The following MCTP1 variants were observed in gnomAD, a reference collection of about 807,000 sequenced individuals.
MCTP1 encodes the protein multiple C2 and transmembrane domain containing 1, also known as multiple C2 and transmembrane domain-containing protein 1.
A neutral mutation model predicts 120.6 loss-of-function variants in MCTP1; 69 were observed. The observed-to-expected ratio is 0.57, with a 90% CI of 0.47 to 0.70. The LOEUF (loss-of-function observed/expected upper bound fraction) is 0.70, where lower values mean the gene tolerates loss of function less well. Among genes scored for constraint, MCTP1 ranks in the 30% least tolerant of loss-of-function variants. The pLI, the probability that MCTP1 is intolerant of heterozygous loss-of-function variation, is 0.00. For synonymous variants in MCTP1, 529 were observed against 493.1 expected, an observed-to-expected ratio of 1.07 and a Z score of -0.96; for missense variants, 1,203 against 1,248.8, an observed-to-expected ratio of 0.96 and a Z score of 0.55.
At chr5:94,938,237 CCA>C (rs985633142) in intron 5 of MCTP1, among the ~76,000 whole-genome samples, 1 of 152,046 alleles carries the variant, frequency 6.6e-6, no homozygotes, top group African/African-American at 2.4e-5. Flanking sequence ...AATGGCTCCC[CCA>C]CAGTGTTTTG....
intron 1 of MCTP1, among the ~76,000 whole-genome samples, chr5:95,105,976 T>C (rs894576170): frequency 6.6e-6 from 1 of 152,168 alleles, no homozygotes; most frequent in East Asian, 1.9e-4. Context: ...AAACATCAAG[T>C]CTACCAGGAC....
chr5:94,736,873 G>A (rs1298778274), intron 19 of MCTP1, among the ~76,000 whole-genome samples: 1 of 152,216 alleles, frequency 6.6e-6, no homozygotes, highest in Non-Finnish European at 1.5e-5. Flanking sequence ...TGCAGAAAAA[G>A]TTCATTAACT....
chr5:94,832,065 G>A (rs1788634447), intron 17 of MCTP1, among the ~76,000 whole-genome samples: 1 of 152,156 alleles, frequency 6.6e-6, no homozygotes, highest in Admixed American at 6.6e-5. Flanking sequence ...CTTGATTAGG[G>A]TATTAAAAGA....
At chr5:95,214,384 T>G (rs867524825) in intron 1 of MCTP1, among the ~76,000 whole-genome samples, 972 of 151,788 alleles carry the variant, frequency 6.4e-3, no homozygotes, top group South Asian at 0.025. Flanking sequence ...GGAGAGGATG[T>G]GGAGAAATAG....
chr5:94,871,846 T>C (rs1311610085), intron 13 of MCTP1, among the ~76,000 whole-genome samples: 1 of 152,064 alleles, frequency 6.6e-6, no homozygotes, highest in East Asian at 1.9e-4. Flanking sequence ...TTTTATGTAA[T>C]TACTCTTTTT....
chr5:95,261,377 T>C (rs1384123430), intron 1 of MCTP1, among the ~76,000 whole-genome samples: 1 of 152,222 alleles, frequency 6.6e-6, no homozygotes, highest in Admixed American at 6.5e-5. Context: ...AGTGTGATTC[T>C]GTAGCTGAAA....
chr5:94,926,574 C>T (rs1035723641), intron 6 of MCTP1, among the ~76,000 whole-genome samples: 1 of 152,110 alleles, frequency 6.6e-6, no homozygotes, highest in Non-Finnish European at 1.5e-5. Flanking sequence ...AATTATAAAT[C>T]GTTTCACTGT....
chr5:95,010,930 T>C (rs184616281), intron 2 of MCTP1, among the ~76,000 whole-genome samples: 1 of 152,234 alleles, frequency 6.6e-6, no homozygotes, highest in East Asian at 1.9e-4. Context: ...ACTGATGTCA[T>C]ATGTTGCCAG....
intron 1 of MCTP1, among the ~76,000 whole-genome samples, chr5:95,053,461 C>A (rs1291976124): frequency 6.6e-6 from 1 of 152,156 alleles, no homozygotes; most frequent in Non-Finnish European, 1.5e-5. Context: ...CTAATTGCTG[C>A]TACTTCAAGC....
intron 19 of MCTP1, among the ~76,000 whole-genome samples, chr5:94,743,191 C>T (rs559722167): frequency 6.6e-6 from 1 of 150,834 alleles, no homozygotes; most frequent in Admixed American, 6.6e-5. Context: ...CTTCTCACTC[C>T]TATTTTTCTA....
chr5:95,125,752 A>G (rs1309113422), intron 1 of MCTP1, among the ~76,000 whole-genome samples: 1 of 152,244 alleles, frequency 6.6e-6, no homozygotes, highest in Non-Finnish European at 1.5e-5. Flanking sequence ...GTAAATGCAC[A>G]ATCAGGGTAT....
chr5:94,889,458 C>T (rs1314530146), intron 11 of MCTP1, among the ~76,000 whole-genome samples: 3 of 151,856 alleles, frequency 2.0e-5, no homozygotes, highest in East Asian at 1.9e-4. Context: ...GGCGTGGTGG[C>T]GGGCACCTGT....
intron 1 of MCTP1, among the ~76,000 whole-genome samples, chr5:95,163,645 G>A (rs999275844): frequency 6.6e-6 from 1 of 152,210 alleles, no homozygotes; most frequent in Non-Finnish European, 1.5e-5. Context: ...TCAGAAAGAT[G>A]TGTCATATCA....
intron 17 of MCTP1, among the ~76,000 whole-genome samples, chr5:94,859,172 GCA>G (rs763235051): frequency 1.3e-5 from 2 of 151,662 alleles, no homozygotes; most frequent in Non-Finnish European, 3.0e-5. Context: ...AGGAAAAAGT[GCA>G]CACTCAGTTA....
At position 94,940,107 on chromosome 5, in the gene MCTP1, T is replaced by G. The variant is rs1344476079; in HGVS notation, c.1150A>C (p.Lys384Gln). Reference protein sequence around the residue: ...IILLSVILTPKEGESRDVTML... With the variant: ...IILLSVILTPQEGESRDVTML... ...ACCACATCCCTGGACTCTCCTTCTTTAGGGGTAAGGATGACTGAGAGCAAA... is the reference window on the plus strand; with the variant it reads ...ACCACATCCCTGGACTCTCCTTCTTGAGGGGTAAGGATGACTGAGAGCAAA... The change falls in exon 5 of 23, where the codon AAA (lysine) becomes CAA (glutamine). Residue 384 changes from lysine (K) to glutamine (Q), a missense_variant. Around this residue, in one of 2 missense-constraint regions of MCTP1, gnomAD observed 740 missense variants for 871.1 expected, o/e 0.85. Coordinates refer to ENST00000515393, the MANE Select transcript of MCTP1 (RefSeq NM_024717.7). 6.2e-7 allele frequency: 1 copy of G among 1,605,398 alleles called. No homozygotes were observed. Among genetic ancestry groups the G allele is most frequent in the Admixed American group, 1.7e-5 (1 of 59,804 alleles).
rs190306076 is a variant in MCTP1 at position 94,862,857 on chromosome 5, C to T, written c.2436+5476G>A. Among the ~76,000 whole-genome samples the T allele has an allele frequency of 1.4e-3, 206 of 151,804 alleles. 1 individual carries two copies. Among genetic ancestry groups the T allele is most frequent in the African/African-American group, 4.8e-3 (201 of 41,448 alleles). On this transcript the variant is annotated intron_variant, in intron 17 of 22. Transcript: ENST00000515393. ...TAGCAATTTGATGTACTAGCATGTC[C>T]AGATGAATTGGGTGCACAATCTATT...
chr5:94,964,457 C>T (rs1212095685), intron 2 of MCTP1, among the ~76,000 whole-genome samples: 1 of 151,964 alleles, frequency 6.6e-6, no homozygotes, highest in African/African-American at 2.4e-5. Flanking sequence ...CATTGAAGTC[C>T]CCTACTATTA....
At chr5:94,981,989 T>C (rs1422818022) in intron 2 of MCTP1, among the ~76,000 whole-genome samples, 1 of 152,180 alleles carries the variant, frequency 6.6e-6, no homozygotes, top group Non-Finnish European at 1.5e-5. Flanking sequence ...CAAGTTATCG[T>C]TCTTTGATCA....
intron 18 of MCTP1, among the ~76,000 whole-genome samples, chr5:94,797,036 G>A (rs1029264987): frequency 6.6e-5 from 10 of 151,914 alleles, no homozygotes; most frequent in African/African-American, 2.4e-4. Flanking sequence ...TGTACTAAAA[G>A]GAAAAGATTT....
Sources: gnomAD v4.1 joint callset for allele counts (sites outside exome capture counted in the v4.1 genomes callset) on GRCh38, gnomAD v4.1.1 for gene constraint, gnomAD v4.1.1 regional missense constraint, MANE v1.5 for transcripts, NCBI Gene and HGNC (gene_info 2026-07-23, HGNC 2026-07-21) for gene names.